Variants in TRPM7 observed in about 807,000 individuals in gnomAD.
TRPM7 encodes the protein transient receptor potential cation channel subfamily M member 7.
In TRPM7, 134 loss-of-function variants were observed where a neutral mutation model predicts 229.7. That is an observed-to-expected ratio of 0.58 (90% CI 0.51 to 0.67). The LOEUF (loss-of-function observed/expected upper bound fraction) is 0.67, where lower values mean the gene tolerates loss of function less well. Ranked by LOEUF, TRPM7 falls within the 30% of genes least tolerant of loss-of-function variation. The pLI, the probability that TRPM7 is intolerant of heterozygous loss-of-function variation, is 0.00. For synonymous variants in TRPM7, 699 were observed against 715.2 expected, an observed-to-expected ratio of 0.98 and a Z score of 0.36; for missense variants, 1,901 against 2,210.0, an observed-to-expected ratio of 0.86 and a Z score of 2.80.
chr15:50,603,556 T>G (rs1269289428), intron 21 of TRPM7, among the ~76,000 whole-genome samples: 1 of 146,378 alleles, frequency 6.8e-6, no homozygotes, highest in Non-Finnish European at 1.5e-5. Context: ...AGTGAGAACA[T>G]GCGGTGTTTG....
intron 10 of TRPM7, 114 bp downstream of exon 10, chr15:50,631,303 T>C (rs1180195799): frequency 4.3e-6 from 2 of 466,604 alleles, no homozygotes; most frequent in African/African-American, 2.0e-5. Context: ...TGCAAGCATT[T>C]AGCCATGGTA....
At chr15:50,596,191 C>A in intron 23 of TRPM7, 64 bp downstream of exon 23, 1 of 1,157,744 alleles carries the variant, frequency 8.6e-7, no homozygotes. Context: ...TATAAATTTC[C>A]TTCAAAATAT....
At chr15:50,569,443 T>G (rs1302252817) in intron 38 of TRPM7, among the ~76,000 whole-genome samples, 1 of 152,102 alleles carries the variant, frequency 6.6e-6, no homozygotes. Context: ...GGCAAATACG[T>G]TAGTTTCCCA....
chr15:50,589,498 T>C, intron 27 of TRPM7, 94 bp downstream of exon 27: 2 of 887,928 alleles, frequency 2.3e-6, no homozygotes, highest in Non-Finnish European at 3.5e-6. Flanking sequence ...TAAAACTGTA[T>C]TTTTGCTGAA....
chr15:50,616,047 T>A (rs1596204103), intron 13 of TRPM7, among the ~76,000 whole-genome samples: 2 of 152,144 alleles, frequency 1.3e-5, no homozygotes. Context: ...TCTCAAAATA[T>A]GCAGAATGAT....
chr15:50,620,443 C>T (rs2060360887), intron 12 of TRPM7, among the ~76,000 whole-genome samples: 2 of 151,990 alleles, frequency 1.3e-5, no homozygotes, highest in African/African-American at 4.8e-5. Context: ...TTTATATATG[C>T]CATAATTTTG....
rs546746497 is a variant in TRPM7 at position 50,568,455 on chromosome 15, C to T, written c.5467+1432G>A. ...GACATATGCTCAAAAAAATCAATGG[C>T]ATTTCTGTATACCAGCAATAATAAA... On this transcript the variant is annotated intron_variant, in intron 38 of 38. Coordinates refer to ENST00000646667, the MANE Select transcript of TRPM7 (RefSeq NM_017672.6). Among the ~76,000 whole-genome samples the T allele has an allele frequency of 7.2e-5, 11 of 152,204 alleles. No individual in the cohort carries two copies. In the East Asian group the frequency reaches 1.7e-3, roughly 24 times the overall value.
intron 13 of TRPM7, among the ~76,000 whole-genome samples, chr15:50,617,396 G>A (rs1054744802): frequency 1.3e-5 from 2 of 150,530 alleles, no homozygotes; most frequent in Non-Finnish European, 3.0e-5. Context: ...CCAGCTACTC[G>A]GGAGGCTGAG....
At chr15:50,663,408 G>A (rs1241333243) in intron 1 of TRPM7, among the ~76,000 whole-genome samples, 1 of 152,160 alleles carries the variant, frequency 6.6e-6, no homozygotes, top group African/African-American at 2.4e-5. Context: ...TTACAGGCGT[G>A]AGCCACCGTG....
At chr15:50,610,406 A>T (rs2060035845) in intron 17 of TRPM7, among the ~76,000 whole-genome samples, 1 of 152,132 alleles carries the variant, frequency 6.6e-6, no homozygotes, top group Admixed American at 6.5e-5. Flanking sequence ...AAAAAGGTTT[A>T]TTTCTAAAAT....
chr15:50,685,470 A>C (rs1292324810), intron 1 of TRPM7, among the ~76,000 whole-genome samples: 1 of 152,224 alleles, frequency 6.6e-6, no homozygotes, highest in East Asian at 1.9e-4. Context: ...ACAAACAAAC[A>C]AAAAAGAATA....
chr15:50,623,789 TA>T (rs2060484756), intron 12 of TRPM7, among the ~76,000 whole-genome samples: 1 of 132,736 alleles, frequency 7.5e-6, no homozygotes, highest in African/African-American at 2.6e-5. Flanking sequence ...ACAATGAATG[TA>T]AAAAAAGAAA....
chr15:50,638,607 TGAG>T (rs879405067), intron 6 of TRPM7, among the ~76,000 whole-genome samples: 2 of 152,066 alleles, frequency 1.3e-5, no homozygotes, highest in Non-Finnish European at 2.9e-5. Flanking sequence ...TTTCCAGCCA[TGAG>T]TAGACTCAAA....
In TRPM7 at chr15:50,607,212, C is replaced by T; in HGVS notation, c.2697G>A (p.Glu899=). 6.2e-7 allele frequency: 1 copy of T among 1,608,284 alleles called. No homozygotes were observed. The highest frequency in any genetic ancestry group is 8.5e-7 in the Non-Finnish European group (1 of 1,178,212). The change falls in exon 20 of 39, where the codon GAG becomes GAA. Residue 899 remains glutamate (E), a synonymous_variant. Transcript: ENST00000646667. ...ACTAAAGACATACCTCACGGACTTTCTCAATGGCATAAGTAAAAATATAAG... is the reference window on the plus strand; with the variant it reads ...ACTAAAGACATACCTCACGGACTTTTTCAATGGCATAAGTAAAAATATAAG... ...VIAYIFTYAI[E]KVREIFMSEA...
Position 50,643,353 on chromosome 15 carries a change from T to C in TRPM7, c.522A>G (p.Gly174=), listed in dbSNP as rs1221090823. 6.2e-7 allele frequency: 1 copy of C among 1,613,850 alleles called. No individual in the cohort carries two copies. The highest frequency in any genetic ancestry group is 1.1e-5 in the South Asian group (1 of 91,066). ...TCATCACATTACCTGTGTTTACTCC[T>C]CCAGTTAAAATCCAGGCTCCAGTTG... ...AVTTGAWILT[G]GVNTGVAKHV... Residue 174 remains glycine, a synonymous_variant, in exon 5 of 39, where the codon GGA becomes GGG. Coordinates refer to ENST00000646667, the MANE Select transcript of TRPM7 (RefSeq NM_017672.6).
intron 2 of TRPM7, among the ~76,000 whole-genome samples, chr15:50,661,216 C>T (rs1347433636): frequency 1.3e-5 from 2 of 151,974 alleles, no homozygotes; most frequent in Non-Finnish European, 2.9e-5. Context: ...ACCTCGTGAT[C>T]CGCCCACCTC....
chr15:50,686,162 G>A (rs550874057), intron 1 of TRPM7, among the ~76,000 whole-genome samples: 2 of 152,332 alleles, frequency 1.3e-5, no homozygotes, highest in African/African-American at 4.8e-5. Context: ...GGAGGACCGT[G>A]CTCCCAGGAG....
In TRPM7 at chr15:50,643,400, C is replaced by T; in HGVS notation, c.475G>A (p.Gly159Ser). ...GTTGTAACTGCAGCTTTAATAAGAC[C>T]TTTTCCAAGCAACTGCTTGATTCGT... Reference protein sequence around the residue: ...HPRIKQLLGKGLIKAAVTTGA... With the variant: ...HPRIKQLLGKSLIKAAVTTGA... Residue 159 changes from glycine to serine, a missense_variant, in exon 5 of 39, where the codon GGT becomes AGT. Gly to Ser is a moderately conservative substitution (Grantham distance 56). This residue lies in a region of TRPM7 where 794 missense variants were observed against 881.9 expected (regional missense o/e 0.90). Transcript: ENST00000646667. The T allele has an allele frequency of 1.2e-6, 2 of 1,614,140 alleles. No individual in the cohort carries two copies. The highest frequency in any genetic ancestry group is 1.7e-6 in the Non-Finnish European group (2 of 1,180,020).
Position 50,569,825 on chromosome 15 carries a change from G to T in TRPM7, c.5467+62C>A, listed in dbSNP as rs867221524. Reference sequence around the variant, plus strand: ...AACATTTGTACCTCTGGCCTTATGAGGTATTGTAGTAACCAAGTTTCGTAA... The same window carrying T: ...AACATTTGTACCTCTGGCCTTATGATGTATTGTAGTAACCAAGTTTCGTAA... On this transcript the variant is annotated intron_variant, in intron 38 of 38. Coordinates refer to ENST00000646667, the MANE Select transcript of TRPM7 (RefSeq NM_017672.6). The T allele has an allele frequency of 2.1e-5, 22 of 1,027,536 alleles. No homozygotes were observed. In the Middle Eastern group the frequency reaches 8.4e-4, roughly 39 times the overall value. The allele number at this position is 1,027,536 out of a possible 1,614,324, so 63.7% of individuals were successfully genotyped here.
Sources: allele counts gnomAD v4.1 joint callset (sites outside exome capture counted in the v4.1 genomes callset), GRCh38; gene constraint gnomAD v4.1.1; regional missense constraint gnomAD v4.1.1; transcripts MANE v1.5; gene names NCBI Gene and HGNC (gene_info 2026-07-23, HGNC 2026-07-21).